DSCAM: variants seen among roughly 807,000 people sequenced by gnomAD.
DSCAM encodes cell adhesion molecule DSCAM.
DSCAM carries 47 observed loss-of-function variants against 217.7 expected under a neutral mutation model. That is an observed-to-expected ratio of 0.22 (90% CI 0.17 to 0.28). DSCAM has a LOEUF of 0.28. Ranked by LOEUF, DSCAM falls within the 10% of genes least tolerant of loss-of-function variation. The pLI, the probability that DSCAM is intolerant of heterozygous loss-of-function variation, is 1.00. For synonymous variants in DSCAM, 1,056 were observed against 1,015.3 expected, an observed-to-expected ratio of 1.04 and a Z score of -0.76; for missense variants, 2,080 against 2,618.3, an observed-to-expected ratio of 0.79 and a Z score of 4.49.
At chr21:40,293,238 G>C (rs2073915666) in intron 10 of DSCAM, among the ~76,000 whole-genome samples, 1 of 152,098 alleles carries the variant, frequency 6.6e-6, no homozygotes, top group African/African-American at 2.4e-5. Flanking sequence ...TGGCAAAATT[G>C]ATCTGTGATG....
At chr21:40,265,230 T>TTAA (rs145740699) in intron 11 of DSCAM, among the ~76,000 whole-genome samples, 11,396 of 151,566 alleles carry the variant, frequency 0.075, 975 homozygotes, top group East Asian at 0.21. Context: ...CTCAACCCCT[T>TTAA]TAATAGCTAC....
At chr21:40,557,910 G>A (rs2076685110) in intron 3 of DSCAM, among the ~76,000 whole-genome samples, 1 of 152,138 alleles carries the variant, frequency 6.6e-6, no homozygotes, top group African/African-American at 2.4e-5. Flanking sequence ...CAACAATGTG[G>A]ATCAACAGGA....
intron 3 of DSCAM, among the ~76,000 whole-genome samples, chr21:40,641,826 G>A (rs2089882857): frequency 6.6e-6 from 1 of 152,064 alleles, no homozygotes; most frequent in South Asian, 2.1e-4. Context: ...GAGGCGGGTG[G>A]ATCACGAGGT....
At chr21:40,577,993 G>A (rs1439759091) in intron 3 of DSCAM, among the ~76,000 whole-genome samples, 1 of 152,134 alleles carries the variant, frequency 6.6e-6, no homozygotes, top group East Asian at 1.9e-4. Context: ...GAGTCTATCT[G>A]GCTCTCTTAG....
chr21:40,237,120 A>G (rs576924552), intron 11 of DSCAM, among the ~76,000 whole-genome samples: 2 of 152,308 alleles, frequency 1.3e-5, no homozygotes, highest in African/African-American at 4.8e-5. Context: ...TCACTCTTGA[A>G]ATAATGCACA....
chr21:40,115,081 T>A (rs2089951695), intron 20 of DSCAM, among the ~76,000 whole-genome samples: 2 of 152,172 alleles, frequency 1.3e-5, no homozygotes, highest in African/African-American at 4.8e-5. Context: ...CCCAAAGGAT[T>A]ATAAAACATG....
intron 1 of DSCAM, among the ~76,000 whole-genome samples, chr21:40,810,327 G>A (rs1415353820): frequency 6.6e-6 from 1 of 152,174 alleles, no homozygotes; most frequent in Non-Finnish European, 1.5e-5. Context: ...TATCTTAGAA[G>A]AATGTAAATT....
At chr21:40,838,118 TA>T (rs1276494417) in intron 1 of DSCAM, among the ~76,000 whole-genome samples, 4 of 152,184 alleles carry the variant, frequency 2.6e-5, no homozygotes, top group Non-Finnish European at 5.9e-5. Flanking sequence ...CTTTTGTATT[TA>T]AAAAAATAAA....
chr21:40,718,988 C>A (rs2090872752), intron 1 of DSCAM, among the ~76,000 whole-genome samples: 1 of 152,012 alleles, frequency 6.6e-6, no homozygotes, highest in African/African-American at 2.4e-5. Flanking sequence ...TGGTGGCATG[C>A]TCCTGTAGTC....
At chr21:40,723,604 C>T (rs571624208) in intron 1 of DSCAM, among the ~76,000 whole-genome samples, 42 of 152,132 alleles carry the variant, frequency 2.8e-4, no homozygotes, top group African/African-American at 9.4e-4. Flanking sequence ...TAATAGAAGC[C>T]CTCACATTTT....
At chr21:40,509,732 C>G (rs1334331475) in intron 3 of DSCAM, among the ~76,000 whole-genome samples, 1 of 152,132 alleles carries the variant, frequency 6.6e-6, no homozygotes, top group Admixed American at 6.5e-5. Context: ...ACAATGCCAT[C>G]CTACTCTGTG....
At chr21:40,217,592 T>C (rs1162687766) in intron 11 of DSCAM, among the ~76,000 whole-genome samples, 1 of 152,186 alleles carries the variant, frequency 6.6e-6, no homozygotes, top group African/African-American at 2.4e-5. Flanking sequence ...TCTTCCACAA[T>C]GACTGAACTA....
chr21:40,158,107 A>G (rs1473135561), intron 16 of DSCAM, among the ~76,000 whole-genome samples: 1 of 152,194 alleles, frequency 6.6e-6, no homozygotes, highest in African/African-American at 2.4e-5. Flanking sequence ...TGTCTGGGCA[A>G]GGCACAGTGG....
chr21:40,317,756 C>T (rs2074215121), intron 8 of DSCAM, among the ~76,000 whole-genome samples: 2 of 152,168 alleles, frequency 1.3e-5, no homozygotes, highest in African/African-American at 4.8e-5. Context: ...TGGTCTCGAA[C>T]TCCTGACCTC....
At chr21:40,497,472 G>A (rs1232313170) in intron 3 of DSCAM, among the ~76,000 whole-genome samples, 1 of 151,974 alleles carries the variant, frequency 6.6e-6, no homozygotes, top group Non-Finnish European at 1.5e-5. Flanking sequence ...TGGGGGCAGG[G>A]GTGGGGAGTT....
chr21:40,066,643 C>G (rs541575905), intron 27 of DSCAM, among the ~76,000 whole-genome samples: 3 of 152,290 alleles, frequency 2.0e-5, no homozygotes, highest in African/African-American at 7.2e-5. Context: ...ACAATTATTC[C>G]TATTAAACTG....
chr21:40,674,335 G>T (rs1313239939), intron 3 of DSCAM, among the ~76,000 whole-genome samples: 1 of 152,150 alleles, frequency 6.6e-6, no homozygotes, highest in Non-Finnish European at 1.5e-5. Context: ...TTTAAAATAT[G>T]ACATTTATAA....
chr21:40,178,866 G>T lies in DSCAM; in HGVS notation c.2947+61C>A. ...GGTCTGCTTCTGCATTTAAGCATCT[G>T]AGCCCTCAAGAGTTAGCTCCCGGGC... On this transcript the variant is annotated intron_variant, in intron 15 of 32. Coordinates refer to ENST00000400454, the MANE Select transcript of DSCAM (RefSeq NM_001389.5). 5 of 1,602,864 alleles carry T rather than the reference G, an allele frequency of 3.1e-6. No individual in the cohort carries two copies. In the East Asian group the frequency reaches 6.7e-5, roughly 22 times the overall value.
At chr21:40,381,765 C>T (rs2075028372) in intron 3 of DSCAM, among the ~76,000 whole-genome samples, 2 of 152,192 alleles carry the variant, frequency 1.3e-5, no homozygotes, top group African/African-American at 4.8e-5. Context: ...TGGTTTTTCA[C>T]ACTTTGGGTT....
Sources: gnomAD v4.1 joint callset for allele counts (sites outside exome capture counted in the v4.1 genomes callset) on GRCh38, gnomAD v4.1.1 for gene constraint, MANE v1.5 for transcripts, NCBI Gene and HGNC (gene_info 2026-07-23, HGNC 2026-07-21) for gene names.